The following NOL12 variants were observed in gnomAD, a reference collection of about 807,000 sequenced individuals.
NOL12 encodes the protein nucleolar protein 12.
NOL12 carries 21 observed loss-of-function variants against 25.2 expected under a neutral mutation model. The ratio of observed to expected loss-of-function variants is 0.83; its 90% CI spans 0.59 to 1.20. NOL12 has a LOEUF of 1.20. Ranked by LOEUF, NOL12 falls within the 50% of genes most tolerant of loss-of-function variation. The pLI is 0.00. For synonymous variants in NOL12, 133 were observed against 113.8 expected, an observed-to-expected ratio of 1.17 and a Z score of -1.08; for missense variants, 286 against 287.6, an observed-to-expected ratio of 0.99 and a Z score of 0.04.
intron 4 of NOL12, among the ~76,000 whole-genome samples, chr22:37,690,405 G>A (rs111927150): frequency 7.2e-5 from 11 of 152,304 alleles, no homozygotes; most frequent in African/African-American, 2.6e-4. Flanking sequence ...TGCAAGTTCT[G>A]ATACAAAGAC....
At chr22:37,690,347 A>C (rs13058368) in intron 4 of NOL12, among the ~76,000 whole-genome samples, 50,349 of 151,932 alleles carry the variant, frequency 0.33, 9,341 homozygotes, top group East Asian at 0.61. Context: ...AAAACAAAAC[A>C]AAACCATACT....
Position 37,688,348 on chromosome 22 carries a change from G to C in NOL12, c.226G>C (p.Glu76Gln). 1.2e-6 allele frequency: 2 copies of C among 1,614,226 alleles called. No individual in the cohort carries two copies. The highest frequency in any genetic ancestry group is 1.7e-6 in the Non-Finnish European group (2 of 1,180,030). Residue 76 changes from glutamate to glutamine, a missense_variant, in exon 3 of 6, where the codon GAA (glutamate) becomes CAA (glutamine). Physicochemically the swap from Glu to Gln is conservative, Grantham distance 29. Coordinates refer to ENST00000359114, the MANE Select transcript of NOL12 (RefSeq NM_024313.3). The part of the protein sequence containing the change: ...QEYLKMLAER[E>Q]EALEEADELD... Reference sequence around the variant, plus strand: ...ATACTTGAAGATGCTGGCAGAGAGAGAAGAGGCTCTGGGTAAGTGGCATGC... The same window carrying C: ...ATACTTGAAGATGCTGGCAGAGAGACAAGAGGCTCTGGGTAAGTGGCATGC...
At position 37,688,321 on chromosome 22, in the gene NOL12, G is replaced by T. The variant is rs1461305083; in HGVS notation, c.199G>T (p.Glu67Ter). ...QRKLREERHQ[E>*]YLKMLAEREE... ...GCCTGTGTGGTTTCAGCGCCACCAG[G>T]AATACTTGAAGATGCTGGCAGAGAG... is the stretch of plus-strand genomic sequence containing the variant. The change falls in exon 3 of 6, where the codon GAA (glutamate) becomes TAA (stop). Residue 67 changes from glutamate (E) to a stop codon, truncating the protein, a stop_gained. Transcript: ENST00000359114. LOFTEE classifies it high-confidence loss of function. 1.2e-6 allele frequency: 2 copies of T among 1,614,202 alleles called. No homozygotes were observed. Among genetic ancestry groups the T allele is most frequent in the South Asian group, 2.2e-5 (2 of 91,084 alleles).
At chr22:37,690,346 CA>C (rs1922012067) in intron 4 of NOL12, among the ~76,000 whole-genome samples, 6 of 152,290 alleles carry the variant, frequency 3.9e-5, no homozygotes, top group Admixed American at 2.6e-4. Flanking sequence ...CAAAACAAAA[CA>C]AAACCATACT....
chr22:37,689,143 T>A (rs1921954654), intron 4 of NOL12, 151 bp downstream of exon 4: 1 of 921,476 alleles, frequency 1.1e-6, no homozygotes, highest in Non-Finnish European at 1.6e-6. Context: ...GGTTGCTCAG[T>A]GCTGGCCCAT....
intron 1 of NOL12, 47 bp downstream of exon 1, chr22:37,686,522 G>A: frequency 3.3e-6 from 5 of 1,535,682 alleles, no homozygotes; most frequent in East Asian, 2.5e-5. Flanking sequence ...GTTCTTCGCG[G>A]CCAAGGCCAG....
At position 37,686,853 on chromosome 22, in the gene NOL12, C is replaced by T. The variant is rs577872235; in HGVS notation, c.83+378C>T. On this transcript the variant is annotated intron_variant, in intron 1 of 5. Coordinates refer to ENST00000359114, the MANE Select transcript of NOL12 (RefSeq NM_024313.3). ...TAAGTTCATTCATTCGCTCCCTAGA[C>T]ATTTATTGGGCTCCTTTGGTGTGCC... 5.3e-4 allele frequency: 526 copies of T among 985,440 alleles called. 1 individual carries two copies. The African/African-American group carries it at 6.9e-3, about 13-fold the overall frequency. The allele number at this position is 985,440 out of a possible 1,614,324, so 61.0% of individuals were successfully genotyped here.
At chr22:37,689,076 G>A (rs1469762765) in intron 4 of NOL12, 84 bp downstream of exon 4, 1 of 1,498,292 alleles carries the variant, frequency 6.7e-7, no homozygotes, top group Non-Finnish European at 9.1e-7. Context: ...CCCATGTCAT[G>A]GGTATCCCAC....
intron 4 of NOL12, 120 bp downstream of exon 4, chr22:37,689,112 G>C: frequency 1.6e-6 from 2 of 1,249,864 alleles, no homozygotes; most frequent in Non-Finnish European, 2.3e-6. Context: ...GAAGGGGCGT[G>C]GGGGCAGACT....
chr22:37,692,289 G>A lies in NOL12; in HGVS notation c.*953G>A, dbSNP rs538409483. 4.7e-4 allele frequency: 180 copies of A among 381,890 alleles called. No individual in the cohort carries two copies. The highest frequency in any genetic ancestry group is 3.3e-3 in the African/African-American group (159 of 48,450). 23.7% of individuals were successfully genotyped at this position (381,890 alleles called of 1,614,324 possible). On this transcript the variant is annotated 3_prime_UTR_variant, in exon 6 of 6. Transcript: ENST00000359114. ...GAAGAATCACTTGAACCCTGGAGGCGGAGGCTGCAGTGAGCCGAGATCACG... is the reference window on the plus strand; with the variant it reads ...GAAGAATCACTTGAACCCTGGAGGCAGAGGCTGCAGTGAGCCGAGATCACG...
At chr22:37,686,686 C>T in intron 1 of NOL12, 1 of 985,468 alleles carries the variant, frequency 1.0e-6, no homozygotes, top group Non-Finnish European at 1.2e-6. Flanking sequence ...CGCCTAGTGT[C>T]TGTGCGCCGC....
In NOL12 at chr22:37,692,754, A is replaced by G; in HGVS notation, c.*1418A>G. 2.5e-6 allele frequency: 1 copy of G among 399,064 alleles called. No individual in the cohort carries two copies. The highest frequency in any genetic ancestry group is 4.4e-6 in the Non-Finnish European group (1 of 226,484). 24.7% of individuals were successfully genotyped at this position (399,064 alleles called of 1,614,324 possible). A position where few individuals can be genotyped will look rare whatever the true frequency, so the allele number is the denominator to read the frequency against. On this transcript the variant is annotated 3_prime_UTR_variant, in exon 6 of 6. Coordinates refer to ENST00000359114, the MANE Select transcript of NOL12 (RefSeq NM_024313.3). ...CTGGAGTGGGGGTGAGCAGTGAGCCAGGGTCTGCAGGGCTGTCCTCTCTCC... is the reference window on the plus strand; with the variant it reads ...CTGGAGTGGGGGTGAGCAGTGAGCCGGGGTCTGCAGGGCTGTCCTCTCTCC...
chr22:37,687,746 C>T (rs1921885396), intron 1 of NOL12, 164 bp from the exon 2 acceptor site: 1 of 544,274 alleles, frequency 1.8e-6, no homozygotes, highest in Admixed American at 3.0e-5. Flanking sequence ...GCGTGAGCCA[C>T]CATGCCTGGC....
Position 37,691,180 on chromosome 22 carries a change from C to T in NOL12, c.486C>T (p.Ser162=). The change falls in exon 6 of 6, where the codon TCC becomes TCT. Residue 162 remains serine (S), a synonymous_variant. Coordinates refer to ENST00000359114, the MANE Select transcript of NOL12 (RefSeq NM_024313.3). ...SRDPLLSQRI[S]SLTASLHAHS... ...GCTTTCTGCCCTCCCCTAGGATCTC[C>T]TCCCTCACAGCATCACTACATGCAC... The T allele has an allele frequency of 6.2e-7, 1 of 1,608,876 alleles. No homozygotes were observed. The highest frequency in any genetic ancestry group is 8.5e-7 in the Non-Finnish European group (1 of 1,176,838).
In NOL12 at chr22:37,693,051, T is replaced by TG. The variant is rs1227258634; in HGVS notation, c.*1718dup. ...ATGTGCCACTTGGCTGCCTCGTGCCTGGGCACAGTGGTGCCTATTATGGGC... is the reference window on the plus strand; with the variant it reads ...ATGTGCCACTTGGCTGCCTCGTGCCTGGGGCACAGTGGTGCCTATTATGGGC... On this transcript the variant is annotated 3_prime_UTR_variant, in exon 6 of 6. Coordinates refer to ENST00000359114, the MANE Select transcript of NOL12 (RefSeq NM_024313.3). The TG allele has an allele frequency of 4.6e-6, 1 of 217,718 alleles. No homozygotes were observed. The highest frequency in any genetic ancestry group is 9.0e-6 in the Non-Finnish European group (1 of 110,846). 13.5% of individuals were successfully genotyped at this position (217,718 alleles called of 1,614,324 possible).
chr22:37,692,729 C>T lies in NOL12; in HGVS notation c.*1393C>T. 2.5e-6 allele frequency: 1 copy of T among 399,230 alleles called. No homozygotes were observed. The allele number at this position is 399,230 out of a possible 1,614,324, so 24.7% of individuals were successfully genotyped here. On this transcript the variant is annotated 3_prime_UTR_variant, in exon 6 of 6. Coordinates refer to ENST00000359114, the MANE Select transcript of NOL12 (RefSeq NM_024313.3). ...TCTACCCGCCCTGATGTGGGAGCTC[C>T]TGGAGTGGGGGTGAGCAGTGAGCCA... is the stretch of plus-strand genomic sequence containing the variant.
chr22:37,688,065 C>G (rs1268314578), intron 2 of NOL12, 50 bp downstream of exon 2: 1 of 1,473,906 alleles, frequency 6.8e-7, no homozygotes, highest in South Asian at 1.2e-5. Flanking sequence ...AGGGCACTTG[C>G]AGCCTTGGAT....
At position 37,691,200 on chromosome 22, in the gene NOL12, A is replaced by C. The variant is rs1218928908; in HGVS notation, c.506A>C (p.His169Pro). The C allele has an allele frequency of 6.2e-7, 1 of 1,613,552 alleles. No homozygotes were observed. The highest frequency in any genetic ancestry group is 8.5e-7 in the Non-Finnish European group (1 of 1,179,824). ...QRISSLTASL[H>P]AHSRKKVKRK... ...ATCTCCTCCCTCACAGCATCACTAC[A>C]TGCACACAGCCGCAAAAAGGTCAAG... The change falls in exon 6 of 6, where the codon CAT becomes CCT. Residue 169 changes from histidine to proline, a missense_variant. His to Pro is a moderately conservative substitution (Grantham distance 77, BLOSUM62 -2). Coordinates refer to ENST00000359114, the MANE Select transcript of NOL12 (RefSeq NM_024313.3).
chr22:37,686,399 C>T lies in NOL12; in HGVS notation c.7C>T (p.Arg3Cys), dbSNP rs371218673. The change falls in exon 1 of 6, where the codon CGC becomes TGC. Residue 3 changes from arginine (R) to cysteine (C), a missense_variant. Coordinates refer to ENST00000359114, the MANE Select transcript of NOL12 (RefSeq NM_024313.3). MG[R>C]NKKKKRDGDD... ...AGCCGGCGGCCTCACTGCTATGGGC[C>T]GCAACAAGAAGAAGAAGCGAGATGG... The T allele has an allele frequency of 1.3e-5, 21 of 1,602,892 alleles. No individual in the cohort carries two copies. The South Asian group carries it at 1.9e-4, about 15-fold the overall frequency.
Sources: allele counts gnomAD v4.1 joint callset (sites outside exome capture counted in the v4.1 genomes callset), GRCh38; gene constraint gnomAD v4.1.1; transcripts MANE v1.5; gene names NCBI Gene and HGNC (gene_info 2026-07-23, HGNC 2026-07-21).